The following FAM184A variants were observed in gnomAD, a reference collection of about 807,000 sequenced individuals.
The protein encoded by FAM184A is family with sequence similarity 184 member A, also known as protein FAM184A.
In FAM184A, 99 loss-of-function variants were observed where a neutral mutation model predicts 143.8. The observed-to-expected ratio is 0.69, with a 90% CI of 0.58 to 0.81. The LOEUF (loss-of-function observed/expected upper bound fraction) is 0.81, where lower values mean the gene tolerates loss of function less well. Ranked by LOEUF, FAM184A falls within the 40% of genes least tolerant of loss-of-function variation. The pLI is 0.00. For missense variants in FAM184A, 1,217 were observed against 1,310.5 expected, an observed-to-expected ratio of 0.93 and a Z score of 1.10; for synonymous variants, 427 against 446.4, an observed-to-expected ratio of 0.96 and a Z score of 0.55.
At chr6:119,020,989 T>A (rs1293079901) in intron 3 of FAM184A, among the ~76,000 whole-genome samples, 1 of 151,962 alleles carries the variant, frequency 6.6e-6, no homozygotes, top group Non-Finnish European at 1.5e-5. Flanking sequence ...AGATGAAAAG[T>A]GAGTGAAGAA....
intron 1 of FAM184A, among the ~76,000 whole-genome samples, chr6:119,104,775 G>T (rs1014682610): frequency 6.6e-6 from 1 of 152,066 alleles, no homozygotes; most frequent in Non-Finnish European, 1.5e-5. Flanking sequence ...TAAAACGCGC[G>T]AAAAACTGTA....
At chr6:119,144,484 G>A (rs6935092) in intron 1 of FAM184A, among the ~76,000 whole-genome samples, 53,788 of 152,082 alleles carry the variant, frequency 0.35, 9,850 homozygotes, top group East Asian at 0.53. Flanking sequence ...CCTTCACGCC[G>A]GCACACACTC....
At position 119,016,781 on chromosome 6, in the gene FAM184A, C is replaced by G; in HGVS notation, c.1496G>C (p.Ser499Thr). ...KHHMAIEAVH[S>T]NAIRDKKKLQ... ...TTTTTTCTTATCCCTAATTGCATTA[C>G]TGTGGACAGCTTCAATTGCCATATG... is the stretch of plus-strand genomic sequence containing the variant. The change falls in exon 5 of 18, where the codon AGT (serine) becomes ACT (threonine). Residue 499 changes from serine to threonine, a missense_variant. Physicochemically the swap from Ser to Thr is moderately conservative, Grantham distance 58 (BLOSUM62 1). Coordinates refer to ENST00000338891, the MANE Select transcript of FAM184A (RefSeq NM_024581.6). The G allele has an allele frequency of 6.2e-7, 1 of 1,614,160 alleles. No homozygotes were observed. The highest frequency in any genetic ancestry group is 8.5e-7 in the Non-Finnish European group (1 of 1,180,018).
chr6:119,022,223 A>C (rs930796250), intron 3 of FAM184A, among the ~76,000 whole-genome samples: 2 of 150,746 alleles, frequency 1.3e-5, no homozygotes, highest in Non-Finnish European at 3.0e-5. Context: ...ATGCCCAGCT[A>C]ATTTTTGTTA....
chr6:119,069,123 C>G (rs1428754588), intron 1 of FAM184A: 1 of 326,504 alleles, frequency 3.1e-6, no homozygotes, highest in Non-Finnish European at 6.9e-6. Flanking sequence ...TACTTTTGCG[C>G]CAACCTAAAT....
intron 1 of FAM184A, among the ~76,000 whole-genome samples, chr6:119,087,868 A>G (rs1788265645): frequency 6.6e-6 from 1 of 152,254 alleles, no homozygotes; most frequent in African/African-American, 2.4e-5. Context: ...TGATGGATAA[A>G]TATGGATATA....
At chr6:119,145,905 T>G (rs1221692327) in intron 1 of FAM184A, among the ~76,000 whole-genome samples, 1 of 152,178 alleles carries the variant, frequency 6.6e-6, no homozygotes, top group Admixed American at 6.5e-5. Context: ...AAATCAGACT[T>G]ACAGAGGCTA....
At chr6:119,091,649 C>A (rs1788371759) in intron 1 of FAM184A, among the ~76,000 whole-genome samples, 1 of 152,172 alleles carries the variant, frequency 6.6e-6, no homozygotes, top group African/African-American at 2.4e-5. Context: ...CTAGAAGCTA[C>A]ACTATGAGCA....
intron 1 of FAM184A, among the ~76,000 whole-genome samples, chr6:119,030,327 T>C (rs765301005): frequency 1.3e-5 from 2 of 152,152 alleles, no homozygotes; most frequent in Non-Finnish European, 2.9e-5. Context: ...CAAGTTGAGC[T>C]TAACTGGATA....
chr6:118,988,434 A>T (rs1784258867), intron 9 of FAM184A, among the ~76,000 whole-genome samples: 1 of 152,204 alleles, frequency 6.6e-6, no homozygotes, highest in East Asian at 1.9e-4. Context: ...AGGGACCAAG[A>T]GGGGATATTA....
intron 1 of FAM184A, among the ~76,000 whole-genome samples, chr6:119,139,962 C>T (rs184181045): frequency 3.3e-5 from 5 of 152,372 alleles, no homozygotes; most frequent in Admixed American, 3.3e-4. Flanking sequence ...TCTGTGCTCA[C>T]TCCCCAGCTT....
chr6:119,104,179 A>G (rs950593820), intron 1 of FAM184A, among the ~76,000 whole-genome samples: 3 of 152,058 alleles, frequency 2.0e-5, no homozygotes, highest in African/African-American at 7.2e-5. Flanking sequence ...GCCTGCCACC[A>G]AGCCCAGCTA....
At chr6:118,978,710 G>C (rs1783921363) in intron 11 of FAM184A, among the ~76,000 whole-genome samples, 1 of 152,086 alleles carries the variant, frequency 6.6e-6, no homozygotes, top group African/African-American at 2.4e-5. Context: ...TTCCTACTTG[G>C]AAAGAGTGTG....
intron 1 of FAM184A, among the ~76,000 whole-genome samples, chr6:119,106,974 T>C (rs1788803783): frequency 6.6e-6 from 1 of 152,262 alleles, no homozygotes; most frequent in Non-Finnish European, 1.5e-5. Context: ...TGCACTAATT[T>C]ATCCAAGTTA....
intron 3 of FAM184A, among the ~76,000 whole-genome samples, chr6:119,020,514 G>A (rs1052089061): frequency 2.0e-5 from 3 of 152,038 alleles, no homozygotes; most frequent in African/African-American, 7.2e-5. Flanking sequence ...AAAGTCTCCT[G>A]GGAATAAAAG....
intron 1 of FAM184A, among the ~76,000 whole-genome samples, chr6:119,067,963 C>T (rs1272902446): frequency 6.6e-6 from 1 of 151,696 alleles, no homozygotes; most frequent in Non-Finnish European, 1.5e-5. Flanking sequence ...CATAGCCAGA[C>T]TCTATCTCTA....
Position 118,974,575 on chromosome 6 carries a change from C to G in FAM184A, c.2769-1G>C. ...CTTGTTTAAATCTTGTTCATGCAACCTGTTTGATTTATTTTTAGTTAAGAA... is the reference window on the plus strand; with the variant it reads ...CTTGTTTAAATCTTGTTCATGCAACGTGTTTGATTTATTTTTAGTTAAGAA... On this transcript the variant is annotated splice_acceptor_variant, in intron 13 of 17. Coordinates refer to ENST00000338891, the MANE Select transcript of FAM184A (RefSeq NM_024581.6). LOFTEE classifies it high-confidence loss of function. 3.2e-6 allele frequency: 5 copies of G among 1,586,294 alleles called. No homozygotes were observed. The highest frequency in any genetic ancestry group is 4.3e-6 in the Non-Finnish European group (5 of 1,168,780).
At chr6:119,099,550 AT>A (rs911556579) in intron 1 of FAM184A, among the ~76,000 whole-genome samples, 3 of 152,088 alleles carry the variant, frequency 2.0e-5, no homozygotes, top group African/African-American at 7.2e-5. Context: ...AAGAAGGAAA[AT>A]TGCACCGACA....
intron 7 of FAM184A, chr6:119,006,180 G>T (rs749757911): frequency 1.3e-6 from 1 of 765,420 alleles, no homozygotes; most frequent in South Asian, 1.3e-5. Flanking sequence ...CCAGAAGCTG[G>T]AAAATACAAG....
Sources: gnomAD v4.1 joint callset for allele counts (sites outside exome capture counted in the v4.1 genomes callset) on GRCh38, gnomAD v4.1.1 for gene constraint, MANE v1.5 for transcripts, NCBI Gene and HGNC (gene_info 2026-07-23, HGNC 2026-07-21) for gene names.